SUMF1: variants seen among roughly 807,000 people sequenced by gnomAD.
The protein encoded by SUMF1 is sulfatase modifying factor 1.
Under a neutral mutation model 47.6 loss-of-function variants are expected in SUMF1, and 48 were observed. The observed-to-expected ratio is 1.01, with a 90% CI of 0.80 to 1.28. SUMF1 has a LOEUF of 1.28. SUMF1 is among the 50% of genes most tolerant of loss of function. The pLI is 0.00. For missense variants in SUMF1, 571 were observed against 485.4 expected (o/e 1.18, Z -1.66); for synonymous variants, 230 against 192.1 (o/e 1.20, Z -1.63).
At chr3:4,333,892 C>A (rs1175843495) in intron 8 of SUMF1, among the ~76,000 whole-genome samples, 1 of 151,476 alleles carries the variant, frequency 6.6e-6, no homozygotes, top group Admixed American at 6.6e-5. Flanking sequence ...CTTTTAGAGG[C>A]TGGGGTGGGG....
chr3:4,193,337 A>C (rs1341525836), intron 8 of SUMF1, among the ~76,000 whole-genome samples: 3 of 152,126 alleles, frequency 2.0e-5, no homozygotes, highest in African/African-American at 7.2e-5. Flanking sequence ...CTTTATAATA[A>C]GACTGTAAGT....
At chr3:4,440,987 T>TA (rs1702567887) in intron 3 of SUMF1, among the ~76,000 whole-genome samples, 1 of 152,072 alleles carries the variant, frequency 6.6e-6, no homozygotes, top group South Asian at 2.1e-4. Context: ...TACTATCCTT[T>TA]TTTTCAAGAA....
chr3:4,436,859 AAAAAATAC>A (rs903153565), intron 3 of SUMF1, among the ~76,000 whole-genome samples: 12 of 96,428 alleles, frequency 1.2e-4, no homozygotes, highest in African/African-American at 2.5e-4. Flanking sequence ...CCTAAAAAAA[AAAAAATAC>A]AAAAAACAAA....
At chr3:4,388,301 A>G (rs557101886) in intron 7 of SUMF1, among the ~76,000 whole-genome samples, 1 of 152,132 alleles carries the variant, frequency 6.6e-6, no homozygotes, top group African/African-American at 2.4e-5. Flanking sequence ...TAACCATTTT[A>G]TCATTATATA....
intron 8 of SUMF1, among the ~76,000 whole-genome samples, chr3:4,191,388 C>T (rs965333397): frequency 6.6e-6 from 1 of 152,102 alleles, no homozygotes; most frequent in African/African-American, 2.4e-5. Flanking sequence ...TCTAGCAAGC[C>T]TGGTACCAAA....
chr3:4,267,007 G>C (rs374884701), intron 8 of SUMF1, among the ~76,000 whole-genome samples: 2,553 of 152,194 alleles, frequency 0.017, 24 homozygotes, highest in East Asian at 0.03. Flanking sequence ...CTTTGGTTCT[G>C]TTTATATGCT....
At chr3:4,427,372 T>C (rs1453732604) in intron 3 of SUMF1, among the ~76,000 whole-genome samples, 1 of 152,158 alleles carries the variant, frequency 6.6e-6, no homozygotes, top group East Asian at 1.9e-4. Flanking sequence ...TCTGCTCAAA[T>C]TCATGAAGTA....
intron 8 of SUMF1, among the ~76,000 whole-genome samples, chr3:4,151,701 T>TAA (rs34007844): frequency 0.037 from 5,135 of 138,118 alleles, 450 homozygotes; most frequent in African/African-American, 0.13. Context: ...GCTGATGAGC[T>TAA]AAAAAAAAAA....
At chr3:4,190,498 G>A (rs941001620) in intron 8 of SUMF1, among the ~76,000 whole-genome samples, 2 of 143,738 alleles carry the variant, frequency 1.4e-5, no homozygotes, top group African/African-American at 6.0e-5. Context: ...TGGCAAGACT[G>A]AGGAATGCAT....
At chr3:4,282,364 G>T (rs1373369271) in intron 8 of SUMF1, among the ~76,000 whole-genome samples, 1 of 152,082 alleles carries the variant, frequency 6.6e-6, no homozygotes, top group Non-Finnish European at 1.5e-5. Context: ...CCTTTTAAAG[G>T]GAAGAAATAT....
chr3:4,455,309 T>A (rs1703118225), intron 1 of SUMF1, among the ~76,000 whole-genome samples: 1 of 152,132 alleles, frequency 6.6e-6, no homozygotes, highest in Non-Finnish European at 1.5e-5. Context: ...ACAAATTTGA[T>A]AACCTTGAAA....
At chr3:4,053,392 G>GA (rs1228370039) in intron 9 of SUMF1, among the ~76,000 whole-genome samples, 1 of 152,122 alleles carries the variant, frequency 6.6e-6, no homozygotes. Context: ...TAAATATTGT[G>GA]AAAATTTTTC....
At chr3:4,381,481 C>T (rs182989237) in intron 7 of SUMF1, among the ~76,000 whole-genome samples, 28 of 152,170 alleles carry the variant, frequency 1.8e-4, no homozygotes, top group Admixed American at 2.0e-4. Flanking sequence ...CAATAACCAA[C>T]GGAAATTAAA....
At chr3:4,312,866 G>C (rs139762957) in intron 8 of SUMF1, 11 of 1,564,200 alleles carry the variant, frequency 7.0e-6, no homozygotes, top group Admixed American at 1.9e-5. Context: ...ATGACATGCC[G>C]TGCTGACTTA....
At chr3:4,432,349 T>C (rs1164420774) in intron 3 of SUMF1, among the ~76,000 whole-genome samples, 1 of 151,918 alleles carries the variant, frequency 6.6e-6, no homozygotes, top group Non-Finnish European at 1.5e-5. Flanking sequence ...AGACCCATCA[T>C]CTCTCACCAG....
intron 7 of SUMF1, among the ~76,000 whole-genome samples, chr3:4,401,741 CAAAT>C (rs1701218563): frequency 6.6e-6 from 1 of 152,192 alleles, no homozygotes; most frequent in Admixed American, 6.5e-5. Flanking sequence ...CTGAGAATGA[CAAAT>C]AACCACACTA....
intron 8 of SUMF1, among the ~76,000 whole-genome samples, chr3:4,234,749 G>C (rs941122228): frequency 2.6e-5 from 4 of 152,094 alleles, no homozygotes; most frequent in Non-Finnish European, 5.9e-5. Flanking sequence ...ATGAGAATGG[G>C]CTACCAGTTA....
At chr3:4,096,246 T>C (rs1405460688) in intron 8 of SUMF1, among the ~76,000 whole-genome samples, 1 of 152,142 alleles carries the variant, frequency 6.6e-6, no homozygotes, top group African/African-American at 2.4e-5. Context: ...TCATCATGCC[T>C]GAGAACTTCC....
chr3:4,105,795 G>T (rs1478944290), intron 8 of SUMF1, among the ~76,000 whole-genome samples: 1 of 151,982 alleles, frequency 6.6e-6, no homozygotes, highest in Non-Finnish European at 1.5e-5. Context: ...AATTGAATAT[G>T]CATTCTTACA....
Sources: gnomAD v4.1 joint callset for allele counts (sites outside exome capture counted in the v4.1 genomes callset) on GRCh38, gnomAD v4.1.1 for gene constraint, MANE v1.5 for transcripts, NCBI Gene and HGNC (gene_info 2026-07-23, HGNC 2026-07-21) for gene names.